ITGBL1: variants seen among roughly 807,000 people sequenced by gnomAD.
ITGBL1 encodes integrin subunit beta like 1, also known as integrin beta-like protein 1.
In ITGBL1, 51 loss-of-function variants were observed where a neutral mutation model predicts 68.5. The ratio of observed to expected loss-of-function variants is 0.74; its 90% CI spans 0.59 to 0.94. ITGBL1 has a LOEUF of 0.94. ITGBL1 is among the 40% of genes least tolerant of loss of function. The pLI, the probability that ITGBL1 is intolerant of heterozygous loss-of-function variation, is 0.00. For synonymous variants in ITGBL1, 209 were observed against 227.3 expected (o/e 0.92, Z 0.72); for missense variants, 649 against 647.4 (o/e 1.00, Z -0.03).
intron 2 of ITGBL1, among the ~76,000 whole-genome samples, chr13:101,544,372 T>G (rs1053878292): frequency 6.6e-6 from 1 of 152,288 alleles, no homozygotes; most frequent in African/African-American, 2.4e-5. Context: ...ACCGCGGATA[T>G]TGGTGAACAG....
At chr13:101,666,607 C>T (rs147632352) in intron 7 of ITGBL1, among the ~76,000 whole-genome samples, 145 of 151,820 alleles carry the variant, frequency 9.6e-4, no homozygotes, top group African/African-American at 3.3e-3. Flanking sequence ...TTTGTGAGTA[C>T]AGAATTTTGT....
At position 101,454,030 on chromosome 13, in the gene ITGBL1, C is replaced by T; in HGVS notation, c.246C>T (p.Gly82=). 1.9e-6 allele frequency: 3 copies of T among 1,590,194 alleles called. No homozygotes were observed. Among genetic ancestry groups the T allele is most frequent in the Non-Finnish European group, 1.7e-6 (2 of 1,168,892 alleles). The change falls in exon 2 of 11, where the codon GGC becomes GGT. Residue 82 remains glycine (G), a synonymous_variant. Transcript: ENST00000376180. ...GCATCTGCCACGTGACTGAGCCGGG[C>T]ATGTTCTTCGGGCCCCTGTGTGAGT... The part of the protein sequence containing the change: ...GVCICHVTEP[G]MFFGPLCECH...
chr13:101,663,258 C>G (rs185048200), intron 7 of ITGBL1, among the ~76,000 whole-genome samples: 1 of 152,248 alleles, frequency 6.6e-6, no homozygotes, highest in Non-Finnish European at 1.5e-5. Flanking sequence ...GATTATATAA[C>G]TTGACTGCAC....
chr13:101,485,531 G>T (rs1331897061), intron 2 of ITGBL1, among the ~76,000 whole-genome samples: 1 of 152,162 alleles, frequency 6.6e-6, no homozygotes, highest in African/African-American at 2.4e-5. Flanking sequence ...TAGGCCAGGT[G>T]CGGTGGTTCA....
rs1420865348 is a variant in ITGBL1 at position 101,484,234 on chromosome 13, G to A, written c.316+30134G>A. On this transcript the variant is annotated intron_variant, in intron 2 of 10. Coordinates refer to ENST00000376180, the MANE Select transcript of ITGBL1 (RefSeq NM_004791.3). ...AAAAGGGATAGGTAAAAACCCATCA[G>A]CATAAAAAATTTACTTCTCTAATAC... 2.0e-5 allele frequency among the ~76,000 whole-genome samples: 3 copies of A among 152,086 alleles called. No individual in the cohort carries two copies. The East Asian group carries it at 5.8e-4, about 29-fold the overall frequency.
At chr13:101,466,837 G>A (rs999307906) in intron 2 of ITGBL1, among the ~76,000 whole-genome samples, 8 of 152,116 alleles carry the variant, frequency 5.3e-5, no homozygotes, top group South Asian at 2.1e-4. Context: ...ATGTCAACCC[G>A]AAGGAAGGAC....
chr13:101,483,471 G>A (rs1014989180), intron 2 of ITGBL1, among the ~76,000 whole-genome samples: 1 of 152,172 alleles, frequency 6.6e-6, no homozygotes, highest in Non-Finnish European at 1.5e-5. Context: ...TGAAGTTATT[G>A]ATGAAAGAAA....
intron 2 of ITGBL1, among the ~76,000 whole-genome samples, chr13:101,480,099 A>G (rs1473747993): frequency 6.6e-6 from 1 of 152,114 alleles, no homozygotes; most frequent in Non-Finnish European, 1.5e-5. Context: ...AGTTAAAGAA[A>G]ATGTGGTATC....
At chr13:101,595,099 CA>C (rs1170523146) in intron 6 of ITGBL1, among the ~76,000 whole-genome samples, 1 of 151,860 alleles carries the variant, frequency 6.6e-6, no homozygotes, top group Non-Finnish European at 1.5e-5. Context: ...TAACTAAAAC[CA>C]AAAAACCAAA....
In ITGBL1 at chr13:101,715,870, T is replaced by TTAACA; in HGVS notation, c.*220_*224dup. 1 of 441,476 alleles carries TTAACA rather than the reference T, an allele frequency of 2.3e-6. No individual in the cohort carries two copies. The highest frequency in any genetic ancestry group is 3.9e-5 in the Admixed American group (1 of 25,604). The allele number at this position is 441,476 out of a possible 1,614,324, so 27.3% of individuals were successfully genotyped here. Reference sequence around the variant, plus strand: ...TTAGAAAAAAAAGATTCTTCCATAATTAACATAAGTGGTTCCTAACGAGAG... The same window carrying TTAACA: ...TTAGAAAAAAAAGATTCTTCCATAATTAACATAACATAAGTGGTTCCTAACGAGAG... On this transcript the variant is annotated 3_prime_UTR_variant, in exon 11 of 11. Coordinates refer to ENST00000376180, the MANE Select transcript of ITGBL1 (RefSeq NM_004791.3).
At chr13:101,669,447 G>T (rs959874287) in intron 7 of ITGBL1, among the ~76,000 whole-genome samples, 4 of 152,082 alleles carry the variant, frequency 2.6e-5, no homozygotes, top group Admixed American at 6.6e-5. Context: ...AAGGTCTGAG[G>T]AGAATGCAAA....
intron 2 of ITGBL1, among the ~76,000 whole-genome samples, chr13:101,487,873 C>T (rs1044606094): frequency 6.6e-6 from 1 of 152,156 alleles, no homozygotes; most frequent in Non-Finnish European, 1.5e-5. Flanking sequence ...GGTTAATCTT[C>T]CTAACTCAAA....
At chr13:101,704,973 ATTAGC>A (rs1287686565) in intron 8 of ITGBL1, among the ~76,000 whole-genome samples, 4 of 152,150 alleles carry the variant, frequency 2.6e-5, no homozygotes, top group Non-Finnish European at 5.9e-5. Flanking sequence ...AAGAACAGTC[ATTAGC>A]CTTAGAAAGT....
intron 2 of ITGBL1, among the ~76,000 whole-genome samples, chr13:101,492,998 A>G (rs1017110653): frequency 3.9e-5 from 6 of 152,184 alleles, no homozygotes; most frequent in South Asian, 2.1e-4. Flanking sequence ...CTGGGAGTAA[A>G]TCTCTGTTAA....
intron 2 of ITGBL1, among the ~76,000 whole-genome samples, chr13:101,539,262 C>T (rs2049641560): frequency 1.4e-5 from 2 of 144,234 alleles, no homozygotes; most frequent in African/African-American, 2.6e-5. Flanking sequence ...TCCATGTGTT[C>T]TCATTGTTCA....
chr13:101,562,137 T>C (rs2050110435), intron 2 of ITGBL1, among the ~76,000 whole-genome samples: 1 of 152,096 alleles, frequency 6.6e-6, no homozygotes, highest in African/African-American at 2.4e-5. Context: ...ACAATATTAT[T>C]TGAATGTAAA....
At chr13:101,500,382 A>G (rs1019729121) in intron 2 of ITGBL1, among the ~76,000 whole-genome samples, 1 of 152,238 alleles carries the variant, frequency 6.6e-6, no homozygotes, top group African/African-American at 2.4e-5. Flanking sequence ...TTGCCAAGTT[A>G]AAAATGTCAT....
intron 2 of ITGBL1, among the ~76,000 whole-genome samples, chr13:101,508,182 A>T (rs2049056013): frequency 6.6e-6 from 1 of 152,182 alleles, no homozygotes; most frequent in Non-Finnish European, 1.5e-5. Flanking sequence ...CTCCACTACT[A>T]GAATGTAAGC....
intron 7 of ITGBL1, among the ~76,000 whole-genome samples, chr13:101,618,204 C>T (rs2031441948): frequency 6.6e-6 from 1 of 152,146 alleles, no homozygotes; most frequent in Non-Finnish European, 1.5e-5. Flanking sequence ...ATTTGTTCAA[C>T]ATAGGCAATA....
Sources: gnomAD v4.1 joint callset for allele counts (sites outside exome capture counted in the v4.1 genomes callset) on GRCh38, gnomAD v4.1.1 for gene constraint, MANE v1.5 for transcripts, NCBI Gene and HGNC (gene_info 2026-07-23, HGNC 2026-07-21) for gene names.